Variants in GPC6 observed in about 807,000 individuals in gnomAD.
The protein encoded by GPC6 is glypican 6.
In GPC6, 14 loss-of-function variants were observed where a neutral mutation model predicts 55.2. The ratio of observed to expected loss-of-function variants is 0.25; its 90% CI spans 0.17 to 0.40. The LOEUF (loss-of-function observed/expected upper bound fraction) is 0.40. Ranked by LOEUF, GPC6 falls within the 10% of genes least tolerant of loss-of-function variation. GPC6 has a pLI of 1.00. For missense variants in GPC6, 641 were observed against 708.5 expected (o/e 0.90, Z 1.08); for synonymous variants, 278 against 259.6 (o/e 1.07, Z -0.68).
chr13:93,792,372 G>A (rs779693677), intron 2 of GPC6, among the ~76,000 whole-genome samples: 22 of 152,308 alleles, frequency 1.4e-4, no homozygotes, highest in East Asian at 7.7e-4. Context: ...GTGCAGTGGC[G>A]TGATCTCAGG....
At chr13:93,633,508 T>C (rs1328499317) in intron 2 of GPC6, among the ~76,000 whole-genome samples, 1 of 151,880 alleles carries the variant, frequency 6.6e-6, no homozygotes, top group Non-Finnish European at 1.5e-5. Flanking sequence ...TAGCTGGGTG[T>C]GGTGGTAGCT....
intron 2 of GPC6, among the ~76,000 whole-genome samples, chr13:93,702,959 G>A (rs1310877607): frequency 4.0e-5 from 6 of 151,814 alleles, no homozygotes; most frequent in African/African-American, 1.2e-4. Context: ...CTTGTCATTC[G>A]TGTCTTTATT....
chr13:94,397,330 A>G (rs993652622), intron 7 of GPC6, among the ~76,000 whole-genome samples: 25 of 152,178 alleles, frequency 1.6e-4, no homozygotes, highest in African/African-American at 5.8e-4. Flanking sequence ...CCCCAAGCAC[A>G]TTTCCAAGAT....
intron 1 of GPC6, among the ~76,000 whole-genome samples, chr13:93,334,846 A>G (rs1879990594): frequency 1.3e-5 from 2 of 152,222 alleles, no homozygotes; most frequent in African/African-American, 4.8e-5. Context: ...ATAAATGTTT[A>G]TGAATTTTTG....
In GPC6 at chr13:94,324,010, A is replaced by G. The variant is rs557616720; in HGVS notation, c.1152+17887A>G. 3.2e-4 allele frequency among the ~76,000 whole-genome samples: 48 copies of G among 152,310 alleles called. 2 individuals carry two copies. Among genetic ancestry groups the G allele is most frequent in the Middle Eastern group, 3.4e-3 (1 of 294 alleles). On this transcript the variant is annotated intron_variant, in intron 6 of 8. Transcript: ENST00000377047. ...GAGGACTAGAAGAGAACTGCAAGCT[A>G]ATGCTGGCTTCCGGCATTGTTGTCG...
At chr13:93,864,887 T>C (rs1181685399) in intron 3 of GPC6, among the ~76,000 whole-genome samples, 1 of 151,714 alleles carries the variant, frequency 6.6e-6, no homozygotes, top group Non-Finnish European at 1.5e-5. Context: ...AAATGATGCA[T>C]ATAGATGGTT....
At chr13:94,170,056 T>G (rs1594015615) in intron 4 of GPC6, among the ~76,000 whole-genome samples, 1 of 152,276 alleles carries the variant, frequency 6.6e-6, no homozygotes, top group East Asian at 1.9e-4. Context: ...GCACTGCTAC[T>G]GTTGGAGGCA....
intron 4 of GPC6, among the ~76,000 whole-genome samples, chr13:94,119,024 GTA>G (rs1364616767): frequency 6.9e-6 from 1 of 145,136 alleles, no homozygotes; most frequent in Non-Finnish European, 1.5e-5. Flanking sequence ...GTGTGTGTGT[GTA>G]CACTTGCATA....
chr13:93,455,224 A>AG (rs1266758189), intron 1 of GPC6, among the ~76,000 whole-genome samples: 2 of 152,250 alleles, frequency 1.3e-5, no homozygotes, highest in East Asian at 2.0e-4. Context: ...CAGACCAGAA[A>AG]GGGGCTCCCA....
At chr13:93,521,001 A>G (rs577195549) in intron 1 of GPC6, among the ~76,000 whole-genome samples, 15 of 152,006 alleles carry the variant, frequency 9.9e-5, no homozygotes, top group Non-Finnish European at 1.8e-4. Context: ...CATTTAAAAT[A>G]TAAGAACTTT....
chr13:93,576,913 A>G (rs1471769655), intron 2 of GPC6, among the ~76,000 whole-genome samples: 2 of 152,194 alleles, frequency 1.3e-5, no homozygotes, highest in Admixed American at 1.3e-4. Flanking sequence ...AGAATTTTGT[A>G]TCATGTCTTA....
At chr13:93,477,676 A>G (rs890318303) in intron 1 of GPC6, among the ~76,000 whole-genome samples, 4 of 152,218 alleles carry the variant, frequency 2.6e-5, no homozygotes, top group Non-Finnish European at 5.9e-5. Flanking sequence ...AACTTACAGA[A>G]TTGAGAGTTG....
chr13:94,185,057 G>A (rs140712327), intron 4 of GPC6, among the ~76,000 whole-genome samples: 139 of 152,150 alleles, frequency 9.1e-4, no homozygotes, highest in Middle Eastern at 3.4e-3. Flanking sequence ...ACCAAATGCC[G>A]TATGTTCTCA....
chr13:93,507,581 G>C lies in GPC6; in HGVS notation c.161-37682G>C, dbSNP rs535486971. ...AGTATTATGGATAATGATATAGCCA[G>C]CAAATATCTAAGTGTTATAGACATA... On this transcript the variant is annotated intron_variant, in intron 1 of 8. Coordinates refer to ENST00000377047, the MANE Select transcript of GPC6 (RefSeq NM_005708.5). 2.1e-3 allele frequency among the ~76,000 whole-genome samples: 315 copies of C among 152,270 alleles called. 1 individual carries two copies. Among genetic ancestry groups the C allele is most frequent in the Non-Finnish European group, 3.7e-3 (250 of 68,020 alleles).
chr13:94,065,952 A>G (rs1566358343), intron 4 of GPC6, among the ~76,000 whole-genome samples: 1 of 152,216 alleles, frequency 6.6e-6, no homozygotes, highest in Non-Finnish European at 1.5e-5. Context: ...GAATCAGCAA[A>G]GAGTTAAACA....
intron 2 of GPC6, among the ~76,000 whole-genome samples, chr13:93,621,681 C>T (rs1878957583): frequency 6.6e-6 from 1 of 152,078 alleles, no homozygotes; most frequent in African/African-American, 2.4e-5. Context: ...CTATGTCCGA[C>T]CTTAGGATGG....
intron 1 of GPC6, among the ~76,000 whole-genome samples, chr13:93,483,365 A>G (rs1202590488): frequency 6.6e-6 from 1 of 152,128 alleles, no homozygotes; most frequent in Admixed American, 6.6e-5. Context: ...TGTAGCAGAG[A>G]TGCTTTTAAC....
chr13:94,260,672 C>G (rs1224484981), intron 4 of GPC6, among the ~76,000 whole-genome samples: 1 of 152,128 alleles, frequency 6.6e-6, no homozygotes, highest in African/African-American at 2.4e-5. Context: ...GCATATGAAT[C>G]TGCAGGGAGA....
chr13:94,140,584 C>T (rs1463558762), intron 4 of GPC6, among the ~76,000 whole-genome samples: 2 of 152,118 alleles, frequency 1.3e-5, no homozygotes, highest in African/African-American at 4.8e-5. Context: ...GATGAGGAAA[C>T]TTAAATTCAG....
Sources: allele counts gnomAD v4.1 joint callset (sites outside exome capture counted in the v4.1 genomes callset), GRCh38; gene constraint gnomAD v4.1.1; transcripts MANE v1.5; gene names NCBI Gene and HGNC (gene_info 2026-07-23, HGNC 2026-07-21).